The following ASB2 variants were observed in gnomAD, a reference collection of about 807,000 sequenced individuals.
ASB2 encodes ankyrin repeat and SOCS box containing 2.
Under a neutral mutation model 62.4 loss-of-function variants are expected in ASB2, and 58 were observed. The ratio of observed to expected loss-of-function variants is 0.93; its 90% confidence interval spans 0.75 to 1.16. ASB2 has a LOEUF of 1.16. Ranked by LOEUF, ASB2 falls within the 50% of genes most tolerant of loss-of-function variation. The pLI is 0.00. For missense variants in ASB2, 928 were observed against 887.9 expected (o/e 1.05, Z -0.57); for synonymous variants, 386 against 385.3 (o/e 1.00, Z -0.02).
At chr14:93,944,511 T>C (rs1480919339) in intron 7 of ASB2, among the ~76,000 whole-genome samples, 1 of 152,034 alleles carries the variant, frequency 6.6e-6, no homozygotes, top group Non-Finnish European at 1.5e-5. Flanking sequence ...GGTGGCAGAG[T>C]GTGGAATGCC....
At chr14:93,956,356 A>T (rs1174415136) in intron 3 of ASB2, among the ~76,000 whole-genome samples, 1 of 152,188 alleles carries the variant, frequency 6.6e-6, no homozygotes, top group Admixed American at 6.5e-5. Flanking sequence ...GGAAAGTGAG[A>T]CTGGGACAAA....
intron 2 of ASB2, chr14:93,957,411 T>C (rs574432696): frequency 3.5e-5 from 35 of 1,008,090 alleles, no homozygotes; most frequent in Non-Finnish European, 4.0e-5. Context: ...GAGCAGACAC[T>C]ATAGTAACCT....
At chr14:93,957,261 G>A (rs928021364) in intron 2 of ASB2, 4 of 1,167,466 alleles carry the variant, frequency 3.4e-6, no homozygotes, top group Non-Finnish European at 4.2e-6. Flanking sequence ...GCTCACTGCT[G>A]GCCAGGCAGA....
At chr14:93,946,710 C>G (rs1226332895) in intron 7 of ASB2, among the ~76,000 whole-genome samples, 3 of 152,236 alleles carry the variant, frequency 2.0e-5, no homozygotes, top group Non-Finnish European at 1.5e-5. Flanking sequence ...TCCCTTCCTC[C>G]AGATTGCTCC....
intron 7 of ASB2, chr14:93,942,285 G>T: frequency 2.2e-6 from 1 of 456,058 alleles, no homozygotes. Flanking sequence ...TAGAGCCGTA[G>T]GTGTCTGGAA....
chr14:93,967,818 G>C (rs1045697541), intron 1 of ASB2, among the ~76,000 whole-genome samples: 2 of 152,074 alleles, frequency 1.3e-5, no homozygotes, highest in South Asian at 4.1e-4. Flanking sequence ...GGAGTGGAGG[G>C]ATCTTGAGTC....
intron 6 of ASB2, among the ~76,000 whole-genome samples, chr14:93,947,995 G>GAA (rs55666799): frequency 0.21 from 15,415 of 72,242 alleles, 2,524 homozygotes; most frequent in African/African-American, 0.32. Flanking sequence ...ACTCCGCCTG[G>GAA]AAAAAAAAAA....
intron 3 of ASB2, chr14:93,955,142 C>G (rs7161588): frequency 3.1e-5 from 14 of 456,548 alleles, no homozygotes; most frequent in African/African-American, 2.6e-4. Flanking sequence ...ACCACGATGT[C>G]TATGCCTCTC....
intron 7 of ASB2, among the ~76,000 whole-genome samples, chr14:93,944,427 A>G (rs1888647867): frequency 6.6e-6 from 1 of 152,234 alleles, no homozygotes; most frequent in African/African-American, 2.4e-5. Context: ...ACGAGAAGAC[A>G]CCATCTGGCA....
chr14:93,947,347 A>G lies in ASB2; in HGVS notation c.1052+2T>C, dbSNP rs1888764816. 1 of 1,613,768 alleles carries G rather than the reference A, an allele frequency of 6.2e-7. No individual in the cohort carries two copies. The highest frequency in any genetic ancestry group is 8.5e-7 in the Non-Finnish European group (1 of 1,179,998). ...CTGGGTGCTGGCGGAGCCTGGGCTG[A>G]CCTGTAGTTGCCCTTCTTGGAGGCG... On this transcript the variant is annotated splice_donor_variant, in intron 7 of 9. Transcript: ENST00000555019. LOFTEE classifies it high-confidence loss of function.
intron 1 of ASB2, among the ~76,000 whole-genome samples, chr14:93,969,312 G>T (rs1400976997): frequency 6.6e-6 from 1 of 152,216 alleles, no homozygotes; most frequent in Admixed American, 6.5e-5. Context: ...GCCCTGGCAC[G>T]AGGGGGAAGT....
At chr14:93,958,195 T>A (rs72631627) in intron 2 of ASB2, among the ~76,000 whole-genome samples, 1 of 152,174 alleles carries the variant, frequency 6.6e-6, no homozygotes, top group South Asian at 2.1e-4. Context: ...TCCCATCCCC[T>A]GCTTCTGGCC....
rs200481267 is a variant in ASB2 at position 93,947,554 on chromosome 14, G to C, written c.881-34C>G. ...GGAGAAGAGATCAGCAAGTGGCCAA[G>C]TGACCGGGAAGTTGCTGTCCTCAAT... On this transcript the variant is annotated intron_variant, in intron 6 of 9. Coordinates refer to ENST00000555019, the MANE Select transcript of ASB2 (RefSeq NM_001202429.2). 78 of 1,608,780 alleles carry C rather than the reference G, an allele frequency of 4.8e-5. No homozygotes were observed. The African/African-American group carries it at 7.9e-4, about 16-fold the overall frequency.
intron 3 of ASB2, 102 bp from the exon 4 acceptor site, chr14:93,954,585 C>G: frequency 9.4e-7 from 1 of 1,068,062 alleles, no homozygotes; most frequent in East Asian, 2.4e-5. Flanking sequence ...CGGTCCTCGT[C>G]CCTGCTGGTT....
intron 6 of ASB2, among the ~76,000 whole-genome samples, chr14:93,948,774 T>TA (rs1185569541): frequency 1.3e-5 from 2 of 152,154 alleles, no homozygotes; most frequent in African/African-American, 4.8e-5. Flanking sequence ...TCTCTACACC[T>TA]ACTGAGTAGC....
chr14:93,958,581 C>T (rs1395274230), intron 2 of ASB2, among the ~76,000 whole-genome samples: 1 of 152,230 alleles, frequency 6.6e-6, no homozygotes, highest in Admixed American at 6.5e-5. Flanking sequence ...CTGGGGATGT[C>T]CACACTGTTT....
intron 7 of ASB2, among the ~76,000 whole-genome samples, chr14:93,943,258 C>A (rs1888599598): frequency 6.6e-6 from 1 of 152,240 alleles, no homozygotes; most frequent in Non-Finnish European, 1.5e-5. Flanking sequence ...ACCACCACCA[C>A]AACTGCAGCC....
chr14:93,941,572 G>A (rs1223974632), intron 7 of ASB2: 1 of 448,844 alleles, frequency 2.2e-6, no homozygotes, highest in African/African-American at 2.0e-5. Context: ...GGCACAGGAG[G>A]CCTGACTTTG....
rs1888422474 is a variant in ASB2 at position 93,939,488 on chromosome 14, A to G, written c.1237T>C (p.Ser413Pro). Reference protein sequence around the residue: ...RARLYEDRRSSALYFAVVNNN... With the variant: ...RARLYEDRRSPALYFAVVNNN... ...TTGACCACCGCGAAGTACAGCGCGG[A>G]GCTGCGCCGGTCTTCGTAGAGGCGC... is the stretch of plus-strand genomic sequence containing the variant. Residue 413 changes from serine (S) to proline (P), a missense_variant, in exon 8 of 10, where the codon TCC (serine) becomes CCC (proline). Physicochemically the swap from Ser to Pro is moderately conservative, Grantham distance 74. Coordinates refer to ENST00000555019, the MANE Select transcript of ASB2 (RefSeq NM_001202429.2). 6.2e-7 allele frequency: 1 copy of G among 1,611,002 alleles called. No individual in the cohort carries two copies. Among genetic ancestry groups the G allele is most frequent in the Admixed American group, 1.7e-5 (1 of 59,840 alleles).
Sources: gnomAD v4.1 joint callset for allele counts (sites outside exome capture counted in the v4.1 genomes callset) on GRCh38, gnomAD v4.1.1 for gene constraint, MANE v1.5 for transcripts, NCBI Gene and HGNC (gene_info 2026-07-23, HGNC 2026-07-21) for gene names.